Variants in SRGAP3 observed in about 807,000 individuals in gnomAD.
SRGAP3 encodes SLIT-ROBO Rho GTPase activating protein 3.
In SRGAP3, 39 loss-of-function variants were observed where a neutral mutation model predicts 121.1. The observed-to-expected ratio is 0.32, with a 90% confidence interval of 0.25 to 0.42. SRGAP3 has a LOEUF of 0.42. Ranked by LOEUF, SRGAP3 falls within the 10% of genes least tolerant of loss-of-function variation. The pLI is 1.00. For missense variants in SRGAP3, 1,213 were observed against 1,470.6 expected (o/e 0.82, Z 2.86); for synonymous variants, 601 against 570.0 (o/e 1.05, Z -0.77).
Position 9,011,417 on chromosome 3 carries a change from C to T in SRGAP3, c.2148-1030G>A, listed in dbSNP as rs142073762. 3.8e-3 allele frequency among the ~76,000 whole-genome samples: 577 copies of T among 152,316 alleles called. 5 individuals carry two copies. Among genetic ancestry groups the T allele is most frequent in the African/African-American group, 0.014 (562 of 41,556 alleles). On this transcript the variant is annotated intron_variant, in intron 17 of 21. Transcript: ENST00000383836. ...ACTCAATGGCTTCCAAGATTTTTCA[C>T]AGCCTGGCTCTACCCAACCTGTGGA...
intron 2 of SRGAP3, among the ~76,000 whole-genome samples, chr3:9,123,666 C>T: frequency 6.6e-6 from 1 of 151,540 alleles, no homozygotes; most frequent in Non-Finnish European, 1.5e-5. Context: ...GATCATGCCA[C>T]TGCACTCCAA....
At position 8,982,343 on chromosome 3, in the gene SRGAP3, T is replaced by C. The variant is rs1377243504; in HGVS notation, c.*3176A>G. ...TCAGTACGGCTTTCAATAATGGTGATGAACAAGTAGGTAAACACCACTTCC... is the reference window on the plus strand; with the variant it reads ...TCAGTACGGCTTTCAATAATGGTGACGAACAAGTAGGTAAACACCACTTCC... On this transcript the variant is annotated 3_prime_UTR_variant, in exon 22 of 22. Coordinates refer to ENST00000383836, the MANE Select transcript of SRGAP3 (RefSeq NM_014850.4). 8.8e-6 allele frequency: 2 copies of C among 226,240 alleles called. No homozygotes were observed. The highest frequency in any genetic ancestry group is 1.1e-4 in the Admixed American group (2 of 17,510). The allele number at this position is 226,240 out of a possible 1,614,324, so 14.0% of individuals were successfully genotyped here.
In SRGAP3 at chr3:8,981,413, G is replaced by C; in HGVS notation, c.*4106C>G. The C allele has an allele frequency of 4.3e-6, 1 of 232,766 alleles. No homozygotes were observed. Among genetic ancestry groups the C allele is most frequent in the Non-Finnish European group, 8.5e-6 (1 of 117,722 alleles). The allele number at this position is 232,766 out of a possible 1,614,324, so 14.4% of individuals were successfully genotyped here. On this transcript the variant is annotated 3_prime_UTR_variant, in exon 22 of 22. Transcript: ENST00000383836. ...TCTTCTTTCTGGGTTTCTCAGGAGA[G>C]TGAGGCATTTGCACTAGTGTGGAAC...
intron 1 of SRGAP3, among the ~76,000 whole-genome samples, chr3:9,346,577 C>T (rs950320786): frequency 6.6e-6 from 1 of 152,064 alleles, no homozygotes; most frequent in Admixed American, 6.5e-5. Context: ...ATTAAGTGAG[C>T]ATGTTCAAGA....
intron 1 of SRGAP3, among the ~76,000 whole-genome samples, chr3:9,154,584 CG>C (rs1234719118): frequency 3.3e-5 from 5 of 152,126 alleles, no homozygotes; most frequent in African/African-American, 1.2e-4. Context: ...CCAACTCCTC[CG>C]TGAAGACTTT....
At chr3:9,104,284 G>A (rs528516766) in intron 3 of SRGAP3, among the ~76,000 whole-genome samples, 1 of 152,128 alleles carries the variant, frequency 6.6e-6, no homozygotes, top group African/African-American at 2.4e-5. Flanking sequence ...CTCAGAAAAT[G>A]CATTTGCGTT....
At chr3:9,099,278 CAA>C (rs924308562) in intron 3 of SRGAP3, among the ~76,000 whole-genome samples, 2 of 152,028 alleles carry the variant, frequency 1.3e-5, no homozygotes, top group Admixed American at 6.5e-5. Flanking sequence ...CGCTTCTCTG[CAA>C]AGAGTCTTTC....
intron 3 of SRGAP3, among the ~76,000 whole-genome samples, chr3:9,312,035 T>C (rs1336360244): frequency 2.0e-5 from 3 of 152,380 alleles, no homozygotes; most frequent in South Asian, 2.1e-4. Context: ...TTTTTATATC[T>C]AATCTGCACA....
chr3:9,352,075 C>T (rs1400126800), intron 1 of SRGAP3, among the ~76,000 whole-genome samples: 1 of 151,994 alleles, frequency 6.6e-6, no homozygotes, highest in Non-Finnish European at 1.5e-5. Context: ...GCTTTAAGGC[C>T]ATCTAATCGA....
At chr3:9,155,839 G>A (rs889038654) in intron 1 of SRGAP3, among the ~76,000 whole-genome samples, 5 of 151,962 alleles carry the variant, frequency 3.3e-5, no homozygotes, top group South Asian at 2.1e-4. Context: ...TTCTTGAGAC[G>A]GAGTCTCGCT....
chr3:9,211,383 CA>C (rs1952441150), intron 1 of SRGAP3, among the ~76,000 whole-genome samples: 1 of 152,176 alleles, frequency 6.6e-6, no homozygotes, highest in African/African-American at 2.4e-5. Context: ...TCTCTCATTC[CA>C]AGCTTCCCAA....
At chr3:9,270,335 T>C (rs1319935357) in intron 3 of SRGAP3, among the ~76,000 whole-genome samples, 1 of 152,214 alleles carries the variant, frequency 6.6e-6, no homozygotes, top group Non-Finnish European at 1.5e-5. Context: ...CAATCCTCTC[T>C]GCTTCCTTTA....
chr3:9,317,488 G>C (rs1240494345), intron 3 of SRGAP3, among the ~76,000 whole-genome samples: 1 of 152,192 alleles, frequency 6.6e-6, no homozygotes, highest in Non-Finnish European at 1.5e-5. Context: ...GGATAGCTAT[G>C]CCAAAAGCTC....
intron 3 of SRGAP3, among the ~76,000 whole-genome samples, chr3:9,309,430 C>T (rs1192732658): frequency 2.0e-5 from 3 of 152,186 alleles, no homozygotes; most frequent in East Asian, 1.9e-4. Context: ...CCTTCCTGCT[C>T]GGTTTGATTG....
At chr3:9,152,789 C>T (rs1458572878) in intron 1 of SRGAP3, among the ~76,000 whole-genome samples, 2 of 152,192 alleles carry the variant, frequency 1.3e-5, no homozygotes, top group Admixed American at 1.3e-4. Flanking sequence ...GAAGACTGTC[C>T]TTGGCTGTCA....
At chr3:9,101,597 T>G (rs890697268) in intron 3 of SRGAP3, among the ~76,000 whole-genome samples, 9 of 152,012 alleles carry the variant, frequency 5.9e-5, no homozygotes, top group Non-Finnish European at 1.2e-4. Flanking sequence ...GCCCCTCGCC[T>G]CCCCACAAAA....
intron 1 of SRGAP3, among the ~76,000 whole-genome samples, chr3:9,338,455 T>A (rs1457984332): frequency 6.6e-6 from 1 of 152,198 alleles, no homozygotes; most frequent in East Asian, 1.9e-4. Flanking sequence ...GAGGCTTGTG[T>A]GAAGGATGTC....
chr3:9,360,556 G>C (rs570986032), intron 1 of SRGAP3, among the ~76,000 whole-genome samples: 2 of 152,162 alleles, frequency 1.3e-5, no homozygotes, highest in African/African-American at 4.8e-5. Context: ...CCAAGACTGG[G>C]CAATTTGCAA....
chr3:9,352,484 G>A (rs1027176895), intron 1 of SRGAP3, among the ~76,000 whole-genome samples: 5 of 152,032 alleles, frequency 3.3e-5, no homozygotes, highest in Non-Finnish European at 5.9e-5. Context: ...ATGTTGACCA[G>A]GCTGGTCTCA....
Sources: gnomAD v4.1 joint callset for allele counts (sites outside exome capture counted in the v4.1 genomes callset) on GRCh38, gnomAD v4.1.1 for gene constraint, MANE v1.5 for transcripts, NCBI Gene and HGNC (gene_info 2026-07-23, HGNC 2026-07-21) for gene names.